BBS2: variants seen among roughly 807,000 people sequenced by gnomAD.
BBS2 encodes the protein BBSome complex member BBS2.
BBS2 carries 62 observed loss-of-function variants against 83.0 expected under a neutral mutation model. That is an observed-to-expected ratio of 0.75 (90% confidence interval 0.61 to 0.92). BBS2 has a LOEUF of 0.92. Ranked by LOEUF, BBS2 falls within the 40% of genes least tolerant of loss-of-function variation. The probability of loss-of-function intolerance (pLI) is 0.00; values close to 1 mark genes in which losing one functional copy is unlikely to be tolerated. For missense variants in BBS2, 784 were observed against 901.0 expected, an observed-to-expected ratio of 0.87 and a Z score of 1.66; for synonymous variants, 303 against 326.1, an observed-to-expected ratio of 0.93 and a Z score of 0.76.
Position 56,506,019 on chromosome 16 carries a change from C to T in BBS2, c.735G>A (p.Met245Ile). ...YWRIKSKNHA[M>I]SIHAFDLNSD... ...AATTAAGGTCAAAAGCATGAATGCT[C>T]ATGGCATGATTTTTCGACTGAAAAA... Residue 245 changes from methionine to isoleucine, a missense_variant, in exon 7 of 17, where the codon ATG (methionine) becomes ATA (isoleucine). By Grantham distance (10) the Met-to-Ile change is conservative. Coordinates refer to ENST00000245157, the MANE Select transcript of BBS2 (RefSeq NM_031885.5). 3.1e-6 allele frequency: 5 copies of T among 1,613,940 alleles called. No individual in the cohort carries two copies. The highest frequency in any genetic ancestry group is 4.2e-6 in the Non-Finnish European group (5 of 1,179,874).
At chr16:56,505,877 TA>T in intron 7 of BBS2, 72 bp downstream of exon 7, 2 of 1,162,306 alleles carry the variant, frequency 1.7e-6, no homozygotes, top group Non-Finnish European at 2.6e-6. Context: ...GTTACTGTTC[TA>T]AGTCCTACAG....
At chr16:56,500,118 T>C (rs1306107919) in intron 11 of BBS2, 2 of 536,672 alleles carry the variant, frequency 3.7e-6, no homozygotes, top group East Asian at 3.5e-5. Context: ...CATATATACC[T>C]GCATGCACTA....
intron 11 of BBS2, 46 bp from the exon 12 acceptor site, chr16:56,499,953 G>A (rs779072689): frequency 1.2e-6 from 2 of 1,610,816 alleles, no homozygotes; most frequent in South Asian, 1.1e-5. Flanking sequence ...TGTATAGAAT[G>A]TTCTTTCAAA....
chr16:56,475,416 C>T, intron 17 of BBS2: 4 of 1,173,766 alleles, frequency 3.4e-6, no homozygotes, highest in Non-Finnish European at 5.1e-6. Flanking sequence ...AGATCCCCCA[C>T]TGTTAAGCAG....
chr16:56,498,376 C>A, intron 13 of BBS2, 61 bp downstream of exon 13: 1 of 1,589,716 alleles, frequency 6.3e-7, no homozygotes, highest in Non-Finnish European at 8.6e-7. Context: ...ATTCCATGGT[C>A]TAAGTGTTTG....
intron 15 of BBS2, among the ~76,000 whole-genome samples, chr16:56,493,035 G>A (rs1395593738): frequency 6.6e-6 from 1 of 152,066 alleles, no homozygotes; most frequent in African/African-American, 2.4e-5. Flanking sequence ...AAAGACAAAT[G>A]AGATGTATTT....
In BBS2 at chr16:56,485,706, T is replaced by C. The variant is rs758343294; in HGVS notation, c.1943A>G (p.Tyr648Cys). 1.9e-5 allele frequency: 31 copies of C among 1,613,834 alleles called. No individual in the cohort carries two copies. The highest frequency in any genetic ancestry group is 4.0e-5 in the African/African-American group (3 of 74,948). Residue 648 changes from tyrosine to cysteine, a missense_variant, in exon 16 of 17, where the codon TAT (tyrosine) becomes TGT (cysteine). Transcript: ENST00000245157. ...KTMKSRYMEL[Y>C]DLNRDLLNGY... Reference sequence around the variant, plus strand: ...ATTTAGCAAGTCTCTATTAAGGTCATAGAGTTCCATATAACGACTCTTCAT... The same window carrying C: ...ATTTAGCAAGTCTCTATTAAGGTCACAGAGTTCCATATAACGACTCTTCAT...
In BBS2 at chr16:56,500,961, T is replaced by C; in HGVS notation, c.1290A>G (p.Val430=). Residue 430 remains valine, a synonymous_variant, in exon 11 of 17, where the codon GTA becomes GTG. Coordinates refer to ENST00000245157, the MANE Select transcript of BBS2 (RefSeq NM_031885.5). ...EGIFTGESHV[V]HPSIHNLSSS... is the part of the protein sequence containing the mutation. Reference sequence around the variant, plus strand: ...TGGAGAGGTTGTGAATGCTGGGATGTACCACGTGGCTTTCACCTGTAAAAA... The same window carrying C: ...TGGAGAGGTTGTGAATGCTGGGATGCACCACGTGGCTTTCACCTGTAAAAA... 6.2e-7 allele frequency: 1 copy of C among 1,614,164 alleles called. No homozygotes were observed. Among genetic ancestry groups the C allele is most frequent in the Non-Finnish European group, 8.5e-7 (1 of 1,180,014 alleles).
In BBS2 at chr16:56,484,697, A is replaced by C; in HGVS notation, c.*64T>G. On this transcript the variant is annotated 3_prime_UTR_variant, in exon 17 of 17. Transcript: ENST00000245157. ...GGTTCACCAGGGTGTGATCCAAAGC[A>C]AACCAGCATAGGTTTTTAACAGAAA... is the stretch of plus-strand genomic sequence containing the variant. 6.8e-7 allele frequency: 1 copy of C among 1,464,588 alleles called. No individual in the cohort carries two copies. Among genetic ancestry groups the C allele is most frequent in the Non-Finnish European group, 9.5e-7 (1 of 1,049,430 alleles). The allele number at this position is 1,464,588 out of a possible 1,614,324, so 90.7% of individuals were successfully genotyped here. A position where few individuals can be genotyped will look rare whatever the true frequency, so the allele number is the denominator to read the frequency against.
chr16:56,515,528 G>A (rs1964711460), intron 1 of BBS2, among the ~76,000 whole-genome samples: 1 of 152,156 alleles, frequency 6.6e-6, no homozygotes, highest in Non-Finnish European at 1.5e-5. Context: ...TGGGCAATAT[G>A]ACCAAAAAGG....
At chr16:56,519,406 G>C in intron 1 of BBS2, 1 of 230,870 alleles carries the variant, frequency 4.3e-6, no homozygotes, top group Non-Finnish European at 8.5e-6. Flanking sequence ...GTGACAAGCA[G>C]AGGCCCCTGG....
intron 5 of BBS2, among the ~76,000 whole-genome samples, chr16:56,506,738 A>C (rs1964432909): frequency 6.6e-6 from 1 of 152,214 alleles, no homozygotes; most frequent in Non-Finnish European, 1.5e-5. Flanking sequence ...GAAAGAACAC[A>C]TAATCCTTTG....
At chr16:56,515,431 G>C (rs2144196498) in intron 1 of BBS2, among the ~76,000 whole-genome samples, 1 of 152,234 alleles carries the variant, frequency 6.6e-6, no homozygotes, top group Middle Eastern at 3.4e-3. Flanking sequence ...CCCTTCGCAG[G>C]ACCACAGTAC....
chr16:56,497,897 T>TAGACA lies in BBS2; in HGVS notation c.1660-22_1660-18dup, dbSNP rs1964158665. On this transcript the variant is annotated splice_polypyrimidine_tract_variant and intron_variant, in intron 13 of 16. Coordinates refer to ENST00000245157, the MANE Select transcript of BBS2 (RefSeq NM_031885.5). ...TATAGTGATCTACCCAGAGAAAAAA[T>TAGACA]AGACAAGTTTAGCATCCTCAGATGT... 1 of 1,605,876 alleles carries TAGACA rather than the reference T, an allele frequency of 6.2e-7. No homozygotes were observed. Among genetic ancestry groups the TAGACA allele is most frequent in the East Asian group, 2.2e-5 (1 of 44,758 alleles).
chr16:56,506,524 CAT>C (rs1567579674), intron 5 of BBS2, among the ~76,000 whole-genome samples: 1 of 152,102 alleles, frequency 6.6e-6, no homozygotes, highest in Non-Finnish European at 1.5e-5. Context: ...CTAAGGAAAA[CAT>C]AAGCTAACTA....
intron 17 of BBS2, chr16:56,477,212 C>T (rs1382212729): frequency 6.6e-6 from 1 of 152,178 alleles, no homozygotes; most frequent in African/African-American, 2.4e-5. Flanking sequence ...ATTATGGAGC[C>T]TTACATCCTG....
At chr16:56,473,906 A>C (rs1034459207) in intron 17 of BBS2, among the ~76,000 whole-genome samples, 3 of 152,038 alleles carry the variant, frequency 2.0e-5, no homozygotes, top group African/African-American at 7.2e-5. Context: ...TCCCAGGTTC[A>C]AGCGATTCTC....
At chr16:56,481,222 A>G (rs1963656759), downstream of BBS2, among the ~76,000 whole-genome samples, 1 of 151,990 alleles carries the variant, frequency 6.6e-6, no homozygotes, top group Admixed American at 6.6e-5. Flanking sequence ...TTGATTTCTG[A>G]AGCTGCTGAC....
chr16:56,475,970 G>C (rs1190501212), intron 17 of BBS2: 2 of 1,323,518 alleles, frequency 1.5e-6, no homozygotes, highest in African/African-American at 2.9e-5. Flanking sequence ...GAAACCATCT[G>C]TTCCATGGTT....
Sources: allele counts gnomAD v4.1 joint callset (sites outside exome capture counted in the v4.1 genomes callset), GRCh38; gene constraint gnomAD v4.1.1; transcripts MANE v1.5; gene names NCBI Gene and HGNC (gene_info 2026-07-23, HGNC 2026-07-21).